NR3C1: variants seen among roughly 807,000 people sequenced by gnomAD.
The protein encoded by NR3C1 is glucocorticoid receptor.
Under a neutral mutation model 74.0 loss-of-function variants are expected in NR3C1, and 14 were observed. The observed-to-expected ratio is 0.19, with a 90% CI of 0.12 to 0.30. The LOEUF (loss-of-function observed/expected upper bound fraction) is 0.30, where lower values mean the gene tolerates loss of function less well. Ranked by LOEUF, NR3C1 falls within the 10% of genes least tolerant of loss-of-function variation. The pLI is 1.00. For missense variants in NR3C1, 695 were observed against 909.8 expected, an observed-to-expected ratio of 0.76 and a Z score of 3.04; for synonymous variants, 308 against 332.5, an observed-to-expected ratio of 0.93 and a Z score of 0.80.
rs886060042 is a variant in NR3C1, at chr5:143,279,016, C to T, written c.*2873G>A. The stretch of plus-strand genomic sequence containing the variant: ...TAGTATCCCACAGAATACCTACAAA[C>T]ACTAAAAATACTTTTCAGGATTTGT... On this transcript the variant is annotated 3_prime_UTR_variant, in exon 9 of 9. Transcript: ENST00000394464. 3.7e-6 allele frequency: 1 copy of T among 273,136 alleles called. No homozygotes were observed. Among genetic ancestry groups the T allele is most frequent in the Non-Finnish European group, 6.8e-6 (1 of 146,426 alleles). The allele number at this position is 273,136 out of a possible 1,614,324, so 16.9% of individuals were successfully genotyped here.
chr5:143,389,252 C>A (rs1466932630), intron 2 of NR3C1, among the ~76,000 whole-genome samples: 1 of 152,124 alleles, frequency 6.6e-6, no homozygotes, highest in Non-Finnish European at 1.5e-5. Context: ...CAGTGTCTAG[C>A]TTGATAAATG....
In NR3C1 at chr5:143,384,108, T is replaced by C. The variant is rs576944068; in HGVS notation, c.1184+15548A>G. ...AAGGAGAAGCAAGCACATGTTCACA[T>C]GGCAGAGGAGGAGACAGAGAGAGAA... On this transcript the variant is annotated intron_variant, in intron 2 of 8. Transcript: ENST00000394464. 2.0e-4 allele frequency among the ~76,000 whole-genome samples: 30 copies of C among 152,328 alleles called. No homozygotes were observed. The East Asian group carries it at 5.2e-3, about 26-fold the overall frequency.
At chr5:143,322,884 G>A (rs1015202894) in intron 2 of NR3C1, among the ~76,000 whole-genome samples, 3 of 152,004 alleles carry the variant, frequency 2.0e-5, no homozygotes, top group Non-Finnish European at 2.9e-5. Flanking sequence ...TTTGCTATCT[G>A]GATTTCCCTC....
intron 6 of NR3C1, among the ~76,000 whole-genome samples, chr5:143,295,961 T>C (rs1033454196): frequency 6.6e-6 from 1 of 152,248 alleles, no homozygotes; most frequent in Non-Finnish European, 1.5e-5. Context: ...TTTTAGGTCC[T>C]ACACACTTGA....
At chr5:143,350,711 T>C (rs1263853977) in intron 2 of NR3C1, among the ~76,000 whole-genome samples, 3 of 152,092 alleles carry the variant, frequency 2.0e-5, no homozygotes. Flanking sequence ...TGGGATCACT[T>C]AGAGAAGGAG....
intron 2 of NR3C1, among the ~76,000 whole-genome samples, chr5:143,369,602 C>G (rs1384094132): frequency 6.6e-6 from 1 of 152,076 alleles, no homozygotes; most frequent in East Asian, 1.9e-4. Context: ...GTACAAGAAG[C>G]CACATATATA....
At chr5:143,386,945 A>G (rs1837339560) in intron 2 of NR3C1, among the ~76,000 whole-genome samples, 1 of 152,222 alleles carries the variant, frequency 6.6e-6, no homozygotes, top group Non-Finnish European at 1.5e-5. Flanking sequence ...CTATGCTATG[A>G]GCAACAAAAC....
chr5:143,430,699 G>A (rs1424784719), intron 1 of NR3C1, among the ~76,000 whole-genome samples: 3 of 152,170 alleles, frequency 2.0e-5, no homozygotes, highest in Admixed American at 6.5e-5. Context: ...ACCAGACACT[G>A]GATCTGTCAG....
At chr5:143,377,615 C>T (rs780411829) in intron 2 of NR3C1, among the ~76,000 whole-genome samples, 36 of 152,356 alleles carry the variant, frequency 2.4e-4, no homozygotes, top group Admixed American at 1.5e-3. Flanking sequence ...CCTATGAGCA[C>T]GCAGTGCAGC....
At chr5:143,428,562 A>G (rs1751652995) in intron 1 of NR3C1, among the ~76,000 whole-genome samples, 1 of 152,134 alleles carries the variant, frequency 6.6e-6, no homozygotes, top group South Asian at 2.1e-4. Flanking sequence ...CTGGCAAACT[A>G]TAGGAAAGTT....
At chr5:143,370,328 T>C (rs1834023115) in intron 2 of NR3C1, among the ~76,000 whole-genome samples, 1 of 152,106 alleles carries the variant, frequency 6.6e-6, no homozygotes, top group African/African-American at 2.4e-5. Context: ...TTGCATACAC[T>C]CCAGACAGAA....
intron 2 of NR3C1, among the ~76,000 whole-genome samples, chr5:143,342,008 T>C (rs1401144825): frequency 6.6e-6 from 1 of 152,178 alleles, no homozygotes; most frequent in Non-Finnish European, 1.5e-5. Flanking sequence ...TCATAAGCTG[T>C]TCCACTGATG....
At chr5:143,283,126 G>A (rs1813509988) in intron 7 of NR3C1, among the ~76,000 whole-genome samples, 3 of 152,022 alleles carry the variant, frequency 2.0e-5, no homozygotes, top group Admixed American at 2.0e-4. Context: ...CTCCTGCCTC[G>A]GCCTCCCAAA....
rs10079976 is a variant in NR3C1, at chr5:143,380,761, G to T, written c.1184+18895C>A. Among the ~76,000 whole-genome samples the T allele has an allele frequency of 4.4e-3, 671 of 152,124 alleles. 2 individuals are homozygous for T. Among genetic ancestry groups the T allele is most frequent in the African/African-American group, 0.015 (639 of 41,510 alleles). On this transcript the variant is annotated intron_variant, in intron 2 of 8. Coordinates refer to ENST00000394464, the MANE Select transcript of NR3C1 (RefSeq NM_000176.3). ...ATGGCCGAAATATAAATCTGATAAT[G>T]GTACCACAAGTTAAAGTATCCACTT...
upstream of NR3C1, chr5:143,405,278 G>T: frequency 1.0e-6 from 1 of 985,778 alleles, no homozygotes; most frequent in Non-Finnish European, 1.2e-6. Context: ...ACGGGCGGGG[G>T]CTGCCGCAGC....
intron 2 of NR3C1, among the ~76,000 whole-genome samples, chr5:143,367,272 A>G (rs1036456905): frequency 3.3e-5 from 5 of 152,204 alleles, no homozygotes; most frequent in African/African-American, 7.2e-5. Flanking sequence ...AACATTCTCA[A>G]TCTGATAAAG....
intron 2 of NR3C1, chr5:143,389,988 AT>A: frequency 2.2e-6 from 2 of 901,260 alleles, no homozygotes; most frequent in Non-Finnish European, 2.7e-6. Flanking sequence ...TTTTAGTACA[AT>A]TCTAAAAAAT....
chr5:143,373,137 T>C (rs1384720780), intron 2 of NR3C1, among the ~76,000 whole-genome samples: 2 of 152,198 alleles, frequency 1.3e-5, no homozygotes, highest in Non-Finnish European at 2.9e-5. Flanking sequence ...CTAACGCTCC[T>C]TGGAAACAAT....
rs1257541564 is a variant in NR3C1 at position 143,278,029 on chromosome 5, T to C, written c.*3860A>G. The C allele has an allele frequency of 6.6e-6, 1 of 152,198 alleles. No homozygotes were observed. Among genetic ancestry groups the C allele is most frequent in the African/African-American group, 2.4e-5 (1 of 41,452 alleles). 9.4% of individuals were successfully genotyped at this position (152,198 alleles called of 1,614,324 possible). ...GCCAATTCGGTACAAATGTGTGGTT[T>C]GGTAATACCAGAACAGCAAATTTAA... On this transcript the variant is annotated 3_prime_UTR_variant, in exon 9 of 9. Coordinates refer to ENST00000394464, the MANE Select transcript of NR3C1 (RefSeq NM_000176.3).
Sources: gnomAD v4.1 joint callset for allele counts (sites outside exome capture counted in the v4.1 genomes callset) on GRCh38, gnomAD v4.1.1 for gene constraint, MANE v1.5 for transcripts, NCBI Gene and HGNC (gene_info 2026-07-23, HGNC 2026-07-21) for gene names.